The following PPM1L variants were observed in gnomAD, a reference collection of about 807,000 sequenced individuals.
PPM1L encodes the protein protein phosphatase 1L.
PPM1L carries 13 observed loss-of-function variants against 31.4 expected under a neutral mutation model. That is an observed-to-expected ratio of 0.41 (90% confidence interval 0.27 to 0.66). The LOEUF (loss-of-function observed/expected upper bound fraction) is 0.66. PPM1L is among the 30% of genes least tolerant of loss of function. PPM1L has a pLI of 0.29. For missense variants in PPM1L, 326 were observed against 453.7 expected (o/e 0.72, Z 2.56); for synonymous variants, 184 against 175.4 (o/e 1.05, Z -0.39).
At chr3:160,922,788 T>C (rs945544113) in intron 1 of PPM1L, among the ~76,000 whole-genome samples, 2 of 152,224 alleles carry the variant, frequency 1.3e-5, no homozygotes, top group Non-Finnish European at 2.9e-5. Context: ...ACTTTTGTCT[T>C]TTTAAGGAAC....
At chr3:160,930,883 C>G (rs778087640) in intron 1 of PPM1L, among the ~76,000 whole-genome samples, 1 of 152,070 alleles carries the variant, frequency 6.6e-6, no homozygotes, top group Non-Finnish European at 1.5e-5. Flanking sequence ...GTCTTCATGC[C>G]TGGTTCATTT....
chr3:160,835,039 A>ACTTCTTCTTCCTCTTCTTCTTCTTCTT (rs1553810670), intron 1 of PPM1L, among the ~76,000 whole-genome samples: 145 of 131,818 alleles, frequency 1.1e-3, no homozygotes, highest in African/African-American at 4.3e-3. Flanking sequence ...TACTACTACT[A>ACTTCTTCTTCCTCTTCTTCTTCTTCTT]CTTCTTCTTC....
intron 1 of PPM1L, among the ~76,000 whole-genome samples, chr3:160,763,435 A>C (rs144715658): frequency 2.0e-5 from 3 of 152,264 alleles, no homozygotes; most frequent in African/African-American, 7.2e-5. Context: ...CTAGTTTAAA[A>C]AAATAAATAA....
At chr3:160,935,420 A>T (rs988463809) in intron 1 of PPM1L, among the ~76,000 whole-genome samples, 6 of 152,148 alleles carry the variant, frequency 3.9e-5, no homozygotes, top group African/African-American at 1.4e-4. Flanking sequence ...GTACATCTGT[A>T]TGTGTATATA....
At chr3:160,905,741 T>G (rs1224669710) in intron 1 of PPM1L, among the ~76,000 whole-genome samples, 1 of 152,176 alleles carries the variant, frequency 6.6e-6, no homozygotes, top group African/African-American at 2.4e-5. Flanking sequence ...CATTAGTTCT[T>G]TCCCTTCCTT....
intron 1 of PPM1L, among the ~76,000 whole-genome samples, chr3:160,787,333 A>G (rs747002916): frequency 1.3e-5 from 2 of 151,990 alleles, no homozygotes; most frequent in Non-Finnish European, 2.9e-5. Flanking sequence ...TGTGGTTTTG[A>G]TTTGTATTTC....
chr3:160,770,675 T>C (rs1193242811), intron 1 of PPM1L, among the ~76,000 whole-genome samples: 7 of 152,248 alleles, frequency 4.6e-5, no homozygotes, highest in Non-Finnish European at 8.8e-5. Flanking sequence ...AATATCTGAC[T>C]GCACAGGATA....
At chr3:160,893,910 G>T (rs1226806725) in intron 1 of PPM1L, among the ~76,000 whole-genome samples, 1 of 152,036 alleles carries the variant, frequency 6.6e-6, no homozygotes, top group African/African-American at 2.4e-5. Flanking sequence ...CTAGACTAGG[G>T]ATATGTGGTA....
intron 1 of PPM1L, among the ~76,000 whole-genome samples, chr3:160,798,981 G>C (rs969624090): frequency 2.6e-5 from 4 of 152,198 alleles, no homozygotes; most frequent in African/African-American, 9.6e-5. Flanking sequence ...ACCTTGAGAG[G>C]TTCAATAGCA....
intron 1 of PPM1L, among the ~76,000 whole-genome samples, chr3:160,883,150 G>A (rs1576688206): frequency 6.6e-6 from 1 of 152,104 alleles, no homozygotes; most frequent in Non-Finnish European, 1.5e-5. Flanking sequence ...ACAGCATTTT[G>A]TTGTCAGTTT....
chr3:160,802,158 A>G (rs1712449351), intron 1 of PPM1L, among the ~76,000 whole-genome samples: 1 of 152,132 alleles, frequency 6.6e-6, no homozygotes, highest in African/African-American at 2.4e-5. Flanking sequence ...GGAAAGGCTC[A>G]TCTTAGTCTT....
intron 2 of PPM1L, among the ~76,000 whole-genome samples, chr3:160,987,957 G>A (rs989180085): frequency 6.6e-6 from 1 of 152,148 alleles, no homozygotes; most frequent in Non-Finnish European, 1.5e-5. Context: ...GTGGCAAAGG[G>A]GCCAGGCTTA....
intron 2 of PPM1L, among the ~76,000 whole-genome samples, chr3:161,013,448 G>T (rs1451547496): frequency 6.6e-6 from 1 of 152,202 alleles, no homozygotes; most frequent in Non-Finnish European, 1.5e-5. Context: ...TTCCAACTAT[G>T]TGGTCAATTT....
At chr3:161,003,028 A>T (rs957295871) in intron 2 of PPM1L, among the ~76,000 whole-genome samples, 1 of 150,782 alleles carries the variant, frequency 6.6e-6, no homozygotes, top group African/African-American at 2.4e-5. Flanking sequence ...AAGTGTAAGG[A>T]AGGGATCCAG....
chr3:161,069,974 C>T lies in PPM1L; in HGVS notation c.*817C>T, dbSNP rs1719858337. 1 of 152,162 alleles carries T rather than the reference C, an allele frequency of 6.6e-6. No individual in the cohort carries two copies. Among genetic ancestry groups the T allele is most frequent in the Non-Finnish European group, 1.5e-5 (1 of 68,036 alleles). The allele number at this position is 152,162 out of a possible 1,614,324, so 9.4% of individuals were successfully genotyped here. ...TTTTTCATCTTACGTGACCAAGAAA[C>T]CACGTTAGGGGAAATGAAAAAAGCA... is the stretch of plus-strand genomic sequence containing the variant. On this transcript the variant is annotated 3_prime_UTR_variant, in exon 4 of 4. Coordinates refer to ENST00000498165, the MANE Select transcript of PPM1L (RefSeq NM_139245.4).
intron 1 of PPM1L, among the ~76,000 whole-genome samples, chr3:160,950,114 A>G (rs1715534665): frequency 1.3e-5 from 2 of 151,908 alleles, no homozygotes. Flanking sequence ...AGTAGAGAAC[A>G]TTTGTCTTTC....
chr3:161,020,148 C>G (rs906211937), intron 2 of PPM1L, among the ~76,000 whole-genome samples: 2 of 150,436 alleles, frequency 1.3e-5, no homozygotes, highest in Non-Finnish European at 3.0e-5. Context: ...AAAAGTTGTA[C>G]TAAGCCTAGA....
intron 1 of PPM1L, among the ~76,000 whole-genome samples, chr3:160,875,274 C>CT (rs1712466308): frequency 6.6e-6 from 1 of 152,104 alleles, no homozygotes; most frequent in Admixed American, 6.5e-5. Flanking sequence ...AAGAGAGTGT[C>CT]ATTTGGGCTA....
intron 1 of PPM1L, among the ~76,000 whole-genome samples, chr3:160,852,072 T>G (rs1280396400): frequency 1.3e-5 from 2 of 152,230 alleles, no homozygotes; most frequent in Admixed American, 1.3e-4. Flanking sequence ...CGAATGAAGA[T>G]TACTTAGGAT....
Sources: gnomAD v4.1 joint callset for allele counts (sites outside exome capture counted in the v4.1 genomes callset) on GRCh38, gnomAD v4.1.1 for gene constraint, MANE v1.5 for transcripts, NCBI Gene and HGNC (gene_info 2026-07-23, HGNC 2026-07-21) for gene names.